ATP2B2: variants seen among roughly 807,000 people sequenced by gnomAD.
The protein encoded by ATP2B2 is plasma membrane calcium-transporting ATPase 2.
A neutral mutation model predicts 120.0 loss-of-function variants in ATP2B2; 15 were observed. The ratio of observed to expected loss-of-function variants is 0.12; its 90% CI spans 0.08 to 0.19. The LOEUF (loss-of-function observed/expected upper bound fraction) is 0.19, where lower values mean the gene tolerates loss of function less well. ATP2B2 is among the 10% of genes least tolerant of loss of function. The probability of loss-of-function intolerance (pLI) is 1.00; values close to 1 mark genes in which losing one functional copy is unlikely to be tolerated. For synonymous variants in ATP2B2, 694 were observed against 700.3 expected (o/e 0.99, Z 0.14); for missense variants, 1,045 against 1,719.8 (o/e 0.61, Z 6.94).
intron 1 of ATP2B2, among the ~76,000 whole-genome samples, chr3:10,470,489 T>C (rs1428106133): frequency 6.6e-6 from 1 of 152,076 alleles, no homozygotes; most frequent in African/African-American, 2.4e-5. Context: ...CTGAGGGACC[T>C]GCCTCCCAGC....
At chr3:10,603,102 C>T (rs531207560) in intron 2 of ATP2B2, among the ~76,000 whole-genome samples, 1 of 152,356 alleles carries the variant, frequency 6.6e-6, no homozygotes, top group South Asian at 2.1e-4. Context: ...TCAGGAAGAA[C>T]TCAGACCCCG....
intron 3 of ATP2B2, among the ~76,000 whole-genome samples, chr3:10,530,098 C>G (rs1345353716): frequency 6.6e-6 from 1 of 152,198 alleles, no homozygotes; most frequent in African/African-American, 2.4e-5. Context: ...CAAACTAATA[C>G]AGATGACAGA....
rs141045424 is a variant in ATP2B2 at position 10,395,400 on chromosome 3, A to G, written c.781+5553T>C. ...AGGTAACAGTACCGAATCAATGTCA[A>G]GTTTCCTGAATTGATGGCTGTGTTG... On this transcript the variant is annotated intron_variant, in intron 5 of 22. Transcript: ENST00000360273. Among the ~76,000 whole-genome samples the G allele has an allele frequency of 1.5e-3, 229 of 152,310 alleles. 1 individual carries two copies. The highest frequency in any genetic ancestry group is 3.4e-3 in the Middle Eastern group (1 of 294).
At chr3:10,517,140 C>T (rs1455308121) in intron 3 of ATP2B2, among the ~76,000 whole-genome samples, 1 of 152,242 alleles carries the variant, frequency 6.6e-6, no homozygotes, top group East Asian at 1.9e-4. Context: ...TTTTGATTCA[C>T]TGCCTCGGTG....
intron 22 of ATP2B2, among the ~76,000 whole-genome samples, chr3:10,337,120 G>A (rs2060138674): frequency 6.6e-6 from 1 of 152,224 alleles, no homozygotes; most frequent in African/African-American, 2.4e-5. Flanking sequence ...CAGTAGAAGG[G>A]GCCATCTCCT....
intron 2 of ATP2B2, among the ~76,000 whole-genome samples, chr3:10,568,695 G>A (rs1023642112): frequency 1.4e-4 from 22 of 152,274 alleles, no homozygotes; most frequent in African/African-American, 5.3e-4. Context: ...ATAAGCTCAG[G>A]CAACATCCCT....
chr3:10,677,718 T>C (rs76953823), intron 1 of ATP2B2, among the ~76,000 whole-genome samples: 204 of 152,340 alleles, frequency 1.3e-3, no homozygotes, highest in African/African-American at 4.7e-3. Context: ...CAATAGTGGC[T>C]AAAAATTTAT....
chr3:10,377,937 A>G (rs948402408), intron 10 of ATP2B2, among the ~76,000 whole-genome samples: 1 of 152,250 alleles, frequency 6.6e-6, no homozygotes, highest in African/African-American at 2.4e-5. Context: ...CATTTTACAG[A>G]TGAGGATACA....
At chr3:10,589,904 A>C (rs1174099593) in intron 2 of ATP2B2, among the ~76,000 whole-genome samples, 1 of 152,256 alleles carries the variant, frequency 6.6e-6, no homozygotes, top group Non-Finnish European at 1.5e-5. Context: ...ACATAAACCT[A>C]CCACATAATT....
At chr3:10,608,335 G>A (rs2125603604) in intron 2 of ATP2B2, among the ~76,000 whole-genome samples, 1 of 152,342 alleles carries the variant, frequency 6.6e-6, no homozygotes, top group East Asian at 1.9e-4. Context: ...GAGGTGGGAG[G>A]ATCACTTGAG....
At chr3:10,420,481 C>T (rs578155954) in intron 2 of ATP2B2, among the ~76,000 whole-genome samples, 38 of 152,162 alleles carry the variant, frequency 2.5e-4, no homozygotes, top group Non-Finnish European at 3.7e-4. Flanking sequence ...CCTGCCTCGG[C>T]CCCCCGAGTA....
intron 2 of ATP2B2, among the ~76,000 whole-genome samples, chr3:10,578,627 T>C (rs1044576926): frequency 4.6e-5 from 7 of 151,848 alleles, no homozygotes; most frequent in Admixed American, 4.6e-4. Context: ...AGAGACTTAA[T>C]TCACTATAGC....
intron 2 of ATP2B2, among the ~76,000 whole-genome samples, chr3:10,599,872 C>T (rs1004948931): frequency 3.3e-5 from 5 of 152,046 alleles, no homozygotes; most frequent in African/African-American, 9.7e-5. Flanking sequence ...GGAGGAGGAA[C>T]GTAGTACGTG....
At chr3:10,462,259 C>T (rs527683510) in intron 1 of ATP2B2, among the ~76,000 whole-genome samples, 1 of 152,316 alleles carries the variant, frequency 6.6e-6, no homozygotes, top group East Asian at 1.9e-4. Flanking sequence ...TCTTTTGTGA[C>T]CCTTGTGTTA....
At chr3:10,363,627 G>A (rs775023) in intron 12 of ATP2B2, among the ~76,000 whole-genome samples, 17,256 of 152,052 alleles carry the variant, frequency 0.11, 1,370 homozygotes, top group East Asian at 0.31. Flanking sequence ...GACTTGAAGA[G>A]CTACACGTTA....
chr3:10,567,185 T>A (rs1258941533), intron 2 of ATP2B2, among the ~76,000 whole-genome samples: 1 of 152,238 alleles, frequency 6.6e-6, no homozygotes, highest in Non-Finnish European at 1.5e-5. Flanking sequence ...GGCTTCATTT[T>A]AGCCATAGCT....
At chr3:10,578,678 C>A (rs74562408) in intron 2 of ATP2B2, among the ~76,000 whole-genome samples, 1 of 152,148 alleles carries the variant, frequency 6.6e-6, no homozygotes, top group African/African-American at 2.4e-5. Flanking sequence ...CACAAGAGAA[C>A]AGATGAACAA....
rs190935190 is a variant in ATP2B2 at position 10,696,150 on chromosome 3, T to C, written c.-460+11765A>G. Among the ~76,000 whole-genome samples, 10 of 152,292 alleles carry C rather than the reference T, an allele frequency of 6.6e-5. No homozygotes were observed. In the East Asian group the frequency reaches 1.9e-3, roughly 29 times the overall value. ...CGGTGTTTGCAGATAAAAATACTCT[T>C]TCCCCTCCTCTCCAACATGGAAACT... On this transcript the variant is annotated intron_variant, in intron 1 of 21. Transcript: ENST00000646379.
chr3:10,329,185 G>T lies in ATP2B2; in HGVS notation c.3421-60C>A. 6.9e-7 allele frequency: 1 copy of T among 1,444,612 alleles called. No homozygotes were observed. Among genetic ancestry groups the T allele is most frequent in the Admixed American group, 1.7e-5 (1 of 59,092 alleles). The allele number at this position is 1,444,612 out of a possible 1,614,324, so 89.5% of individuals were successfully genotyped here. A position where few individuals can be genotyped will look rare whatever the true frequency, so the allele number is the denominator to read the frequency against. ...CAGGGACCACAGCCAGGCTCGGGGG[G>T]CTCACAGGAGGGGCGGGTGGGAGAA... On this transcript the variant is annotated intron_variant, in intron 22 of 22. Coordinates refer to ENST00000360273, the MANE Select transcript of ATP2B2 (RefSeq NM_001001331.4). The surrounding 1 kb of genome is among the most constrained non-coding windows in gnomAD (Gnocchi z 5.9).
Sources: gnomAD v4.1 joint callset for allele counts (sites outside exome capture counted in the v4.1 genomes callset) on GRCh38, gnomAD v4.1.1 for gene constraint, Gnocchi (gnomAD v3.1) non-coding constraint, MANE v1.5 for transcripts, NCBI Gene and HGNC (gene_info 2026-07-23, HGNC 2026-07-21) for gene names.